CREB5: variants seen among roughly 807,000 people sequenced by gnomAD.
CREB5 encodes cyclic AMP-responsive element-binding protein 5.
CREB5 carries 19 observed loss-of-function variants against 57.1 expected under a neutral mutation model. The observed-to-expected ratio is 0.33, with a 90% CI of 0.23 to 0.49. The LOEUF (loss-of-function observed/expected upper bound fraction) is 0.49. Among genes scored for constraint, CREB5 ranks in the 20% least tolerant of loss-of-function variants. The pLI, the probability that CREB5 is intolerant of heterozygous loss-of-function variation, is 0.99. For synonymous variants in CREB5, 238 were observed against 238.3 expected (o/e 1.00, Z 0.01); for missense variants, 579 against 671.6 (o/e 0.86, Z 1.52).
intron 4 of CREB5, among the ~76,000 whole-genome samples, chr7:28,519,784 C>T (rs1003956038): frequency 6.6e-5 from 10 of 152,324 alleles, no homozygotes; most frequent in African/African-American, 9.6e-5. Context: ...ATAACACTGA[C>T]GGAATATTCC....
intron 7 of CREB5, among the ~76,000 whole-genome samples, chr7:28,756,476 A>G (rs1245222156): frequency 6.6e-6 from 1 of 151,804 alleles, no homozygotes; most frequent in African/African-American, 2.4e-5. Context: ...GAATCGCTTG[A>G]ACCTGGGAGG....
At chr7:28,413,744 G>A (rs1787908472) in intron 1 of CREB5, among the ~76,000 whole-genome samples, 1 of 152,072 alleles carries the variant, frequency 6.6e-6, no homozygotes, top group Non-Finnish European at 1.5e-5. Context: ...TTATGTCACA[G>A]CTTTTATTTG....
intron 1 of CREB5, among the ~76,000 whole-genome samples, chr7:28,372,479 T>C (rs562129730): frequency 4.6e-5 from 7 of 152,356 alleles, no homozygotes; most frequent in Non-Finnish European, 8.8e-5. Flanking sequence ...CAATATATTT[T>C]ATCTCACTGA....
At chr7:28,311,500 T>C (rs1425988087) in intron 1 of CREB5, among the ~76,000 whole-genome samples, 1 of 152,268 alleles carries the variant, frequency 6.6e-6, no homozygotes, top group Non-Finnish European at 1.5e-5. Flanking sequence ...CCTTTGGAGC[T>C]GTCCTCCTTT....
intron 1 of CREB5, among the ~76,000 whole-genome samples, chr7:28,399,214 C>T (rs184753030): frequency 1.3e-5 from 2 of 151,146 alleles, no homozygotes; most frequent in Admixed American, 6.6e-5. Context: ...TTGACTATAT[C>T]GAAATTTAAA....
At chr7:28,583,532 G>A (rs530756721) in intron 5 of CREB5, among the ~76,000 whole-genome samples, 24 of 152,274 alleles carry the variant, frequency 1.6e-4, no homozygotes, top group African/African-American at 5.5e-4. Context: ...AACAAAGGAA[G>A]TTGTATCATT....
intron 4 of CREB5, among the ~76,000 whole-genome samples, chr7:28,536,277 C>T (rs1259670625): frequency 2.0e-5 from 3 of 152,196 alleles, no homozygotes; most frequent in South Asian, 2.1e-4. Context: ...CCTTGGACTT[C>T]GCAGAGCCGT....
chr7:28,406,744 A>G (rs1787589503), intron 1 of CREB5, among the ~76,000 whole-genome samples: 1 of 152,194 alleles, frequency 6.6e-6, no homozygotes, highest in Non-Finnish European at 1.5e-5. Flanking sequence ...GCTCTGAGAA[A>G]TCCTGGGAGA....
chr7:28,718,884 G>A lies in CREB5; in HGVS notation c.591+5G>A. ...TCTTCCGCCGTCTTGATGCCAGTAA[G>A]TGTTTCTGTGTGTCTCACAATAGCT... On this transcript the variant is annotated splice_donor_5th_base_variant and intron_variant, in intron 6 of 10. Transcript: ENST00000357727. The A allele has an allele frequency of 6.2e-7, 1 of 1,613,998 alleles. No individual in the cohort carries two copies. Among genetic ancestry groups the A allele is most frequent in the Non-Finnish European group, 8.5e-7 (1 of 1,179,902 alleles).
intron 1 of CREB5, among the ~76,000 whole-genome samples, chr7:28,487,554 A>G (rs1404684828): frequency 6.6e-6 from 1 of 152,184 alleles, no homozygotes; most frequent in Non-Finnish European, 1.5e-5. Flanking sequence ...TACTTGGATA[A>G]CTTTTGTTGA....
rs974993363 is a variant in CREB5 at position 28,599,032 on chromosome 7, C to CA, written c.464+28502dup. ...TGTTTTGCTGGCTGACAGATTTCAGCAAAAAAATGTTCTGTAAGAAAAAGA... is the reference window on the plus strand; with the variant it reads ...TGTTTTGCTGGCTGACAGATTTCAGCAAAAAAAATGTTCTGTAAGAAAAAGA... On this transcript the variant is annotated intron_variant, in intron 5 of 10. Transcript: ENST00000357727. 1.3e-4 allele frequency among the ~76,000 whole-genome samples: 19 copies of CA among 151,796 alleles called. 2 individuals carry two copies. Among genetic ancestry groups the CA allele is most frequent in the African/African-American group, 4.6e-4 (19 of 41,424 alleles).
At chr7:28,560,958 G>GCA (rs1310504007) in intron 4 of CREB5, among the ~76,000 whole-genome samples, 21 of 56,870 alleles carry the variant, frequency 3.7e-4, no homozygotes, top group Admixed American at 7.4e-4. Context: ...GTGCGTGTGT[G>GCA]TGCGTGTGTG....
chr7:28,393,877 C>G (rs900141767), intron 1 of CREB5, among the ~76,000 whole-genome samples: 1 of 151,698 alleles, frequency 6.6e-6, no homozygotes, highest in Non-Finnish European at 1.5e-5. Flanking sequence ...GAGTTTGAGC[C>G]CAGTCTGGCC....
chr7:28,463,966 G>C (rs1200649884), intron 1 of CREB5, among the ~76,000 whole-genome samples: 1 of 152,144 alleles, frequency 6.6e-6, no homozygotes, highest in African/African-American at 2.4e-5. Context: ...AATAGAAGTA[G>C]TGAGAGCTAA....
rs745604097 is a variant in CREB5, at chr7:28,338,455, C to A, written c.-25+39014C>A. 3.9e-5 allele frequency among the ~76,000 whole-genome samples: 6 copies of A among 152,250 alleles called. No individual in the cohort carries two copies. The East Asian group carries it at 1.2e-3, about 29-fold the overall frequency. On this transcript the variant is annotated intron_variant, in intron 1 of 9. Transcript: ENST00000396299. ...AATATGTCATGCCACTCTCTCCTGG[C>A]CTGTAAGGTTTCCACTGAAAAGTCT...
In CREB5 at chr7:28,609,904, A is replaced by T. The variant is rs565729359; in HGVS notation, c.464+39367A>T. ...TAGCTAGCAGGCCACAGATTGTGTG[A>T]GTTACTATTGTGAGGAGGACTTTGA... is the stretch of plus-strand genomic sequence containing the variant. On this transcript the variant is annotated intron_variant, in intron 5 of 10. Transcript: ENST00000357727. Among the ~76,000 whole-genome samples, 32 of 152,292 alleles carry T rather than the reference A, an allele frequency of 2.1e-4. 1 individual carries two copies. Among genetic ancestry groups the T allele is most frequent in the Admixed American group, 1.8e-3 (28 of 15,280 alleles).
intron 10 of CREB5, 33 bp from the exon 11 acceptor site, chr7:28,819,083 A>ATG (rs746514385): frequency 1.3e-6 from 2 of 1,597,416 alleles, no homozygotes; most frequent in South Asian, 2.3e-5. Context: ...GTGTGTGTGT[A>ATG]TGTGTGTGTG....
chr7:28,403,767 C>A (rs1285577075), intron 1 of CREB5, among the ~76,000 whole-genome samples: 5 of 152,064 alleles, frequency 3.3e-5, no homozygotes, highest in African/African-American at 1.2e-4. Context: ...AATGCAGGGC[C>A]TCTTGTTTAA....
At chr7:28,302,079 T>C (rs781350543) in intron 1 of CREB5, among the ~76,000 whole-genome samples, 1 of 151,708 alleles carries the variant, frequency 6.6e-6, no homozygotes, top group Non-Finnish European at 1.5e-5. Flanking sequence ...GGCCTATGTG[T>C]CATCAGAAAA....
Sources: allele counts gnomAD v4.1 joint callset (sites outside exome capture counted in the v4.1 genomes callset), GRCh38; gene constraint gnomAD v4.1.1; transcripts MANE v1.5; gene names NCBI Gene and HGNC (gene_info 2026-07-23, HGNC 2026-07-21).